RGS7: variants seen among roughly 807,000 people sequenced by gnomAD.
RGS7 encodes the protein regulator of G protein signaling 7.
A neutral mutation model predicts 81.1 loss-of-function variants in RGS7; 27 were observed. That is an observed-to-expected ratio of 0.33 (90% CI 0.25 to 0.46). RGS7 has a LOEUF of 0.46. Among genes scored for constraint, RGS7 ranks in the 20% least tolerant of loss-of-function variants. The pLI is 1.00. For missense variants in RGS7, 396 were observed against 607.4 expected (o/e 0.65, Z 3.66); for synonymous variants, 208 against 207.7 (o/e 1.00, Z -0.01).
At chr1:240,780,645 G>A (rs577849044) in intron 18 of RGS7, among the ~76,000 whole-genome samples, 1 of 152,100 alleles carries the variant, frequency 6.6e-6, no homozygotes, top group South Asian at 2.1e-4. Flanking sequence ...GCCGGGCGCG[G>A]TGGCTGACGC....
chr1:240,998,408 TA>T, intron 3 of RGS7: 1 of 598,600 alleles, frequency 1.7e-6, no homozygotes, highest in Non-Finnish European at 2.9e-6. Flanking sequence ...TTTTTTTTTT[TA>T]AGTTCAGCTT....
At chr1:241,251,121 T>C (rs2076807574) in intron 2 of RGS7, among the ~76,000 whole-genome samples, 1 of 152,240 alleles carries the variant, frequency 6.6e-6, no homozygotes, top group South Asian at 2.1e-4. Flanking sequence ...CTACACACTT[T>C]TAAAATATTT....
At chr1:241,201,214 T>C (rs1005627788) in intron 2 of RGS7, among the ~76,000 whole-genome samples, 3 of 152,196 alleles carry the variant, frequency 2.0e-5, no homozygotes, top group Admixed American at 2.0e-4. Flanking sequence ...TCAGTTCATC[T>C]GCCTGAGGGA....
At chr1:241,180,873 T>C (rs2071558432) in intron 2 of RGS7, among the ~76,000 whole-genome samples, 1 of 152,234 alleles carries the variant, frequency 6.6e-6, no homozygotes, top group Admixed American at 6.5e-5. Context: ...TTTCTCAGAC[T>C]TTATTTCATC....
intron 9 of RGS7, among the ~76,000 whole-genome samples, chr1:240,833,509 GTTTATTAGAGTATTAAATGCA>G (rs1694190279): frequency 1.3e-5 from 2 of 152,156 alleles, no homozygotes; most frequent in South Asian, 4.1e-4. Context: ...CTTACTGTGA[GTTTATTAGAGTATTAAATGCA>G]TTTTTGACTT....
intron 2 of RGS7, among the ~76,000 whole-genome samples, chr1:241,158,115 G>A (rs1241131185): frequency 6.6e-6 from 1 of 151,982 alleles, no homozygotes; most frequent in Non-Finnish European, 1.5e-5. Context: ...CACCACGCCT[G>A]TCCCCATAAA....
At chr1:240,833,566 T>A (rs755965466) in intron 9 of RGS7, among the ~76,000 whole-genome samples, 1 of 152,172 alleles carries the variant, frequency 6.6e-6, no homozygotes, top group African/African-American at 2.4e-5. Flanking sequence ...TACAGTGGCT[T>A]TATTGGGACA....
chr1:240,920,411 T>C, intron 6 of RGS7: 2 of 1,374,220 alleles, frequency 1.5e-6, no homozygotes, highest in East Asian at 2.3e-5. Context: ...CCAGCAATTT[T>C]GGAGGTGGTG....
chr1:241,180,210 C>A (rs147128513), intron 2 of RGS7, among the ~76,000 whole-genome samples: 1 of 152,004 alleles, frequency 6.6e-6, no homozygotes, highest in Non-Finnish European at 1.5e-5. Flanking sequence ...TCTCTCTCTA[C>A]TAAAAATACA....
At chr1:241,159,860 A>C (rs1001143081) in intron 2 of RGS7, among the ~76,000 whole-genome samples, 1 of 151,764 alleles carries the variant, frequency 6.6e-6, no homozygotes, top group Non-Finnish European at 1.5e-5. Context: ...ACCACTAGGA[A>C]AGTTAAATCA....
chr1:241,092,416 A>C (rs2063946343), intron 3 of RGS7, among the ~76,000 whole-genome samples: 1 of 152,214 alleles, frequency 6.6e-6, no homozygotes. Flanking sequence ...TTGCTTTACC[A>C]AAGATTTTCA....
intron 2 of RGS7, among the ~76,000 whole-genome samples, chr1:241,347,573 T>G (rs553608869): frequency 1.3e-5 from 2 of 152,330 alleles, no homozygotes; most frequent in East Asian, 3.9e-4. Context: ...TCAGTCTTGT[T>G]AGGAATTGGA....
intron 6 of RGS7, among the ~76,000 whole-genome samples, chr1:240,929,502 G>A (rs979434767): frequency 1.3e-5 from 2 of 151,924 alleles, no homozygotes; most frequent in African/African-American, 4.8e-5. Context: ...AGTTATGTTA[G>A]TTTCGACTCT....
chr1:240,944,260 A>ATGTGTGTGTGTG (rs35591630), intron 4 of RGS7, among the ~76,000 whole-genome samples: 1 of 51,798 alleles, frequency 1.9e-5, no homozygotes, highest in African/African-American at 7.5e-5. Context: ...GTTATATTAT[A>ATGTGTGTGTGTG]TGTGTGTGTG....
chr1:241,071,390 A>C (rs934868727), intron 3 of RGS7, among the ~76,000 whole-genome samples: 4 of 152,188 alleles, frequency 2.6e-5, no homozygotes, highest in African/African-American at 9.7e-5. Flanking sequence ...AAAATGTAGA[A>C]TCTGGTTTAC....
At chr1:240,793,028 G>T (rs1686282278) in intron 18 of RGS7, among the ~76,000 whole-genome samples, 1 of 152,112 alleles carries the variant, frequency 6.6e-6, no homozygotes, top group Non-Finnish European at 1.5e-5. Flanking sequence ...ATAAACCCAA[G>T]ACTTCATATT....
At chr1:241,273,180 C>CCG (rs1553305843) in intron 2 of RGS7, among the ~76,000 whole-genome samples, 2 of 115,960 alleles carry the variant, frequency 1.7e-5, no homozygotes, top group Non-Finnish European at 4.0e-5. Context: ...AATGAACCCC[C>CCG]CCCCCCAAAG....
At chr1:241,167,728 C>T (rs1323351679) in intron 2 of RGS7, among the ~76,000 whole-genome samples, 1 of 151,954 alleles carries the variant, frequency 6.6e-6, no homozygotes, top group Non-Finnish European at 1.5e-5. Flanking sequence ...TCATGTTGGC[C>T]AGGCTTGTCT....
intron 2 of RGS7, among the ~76,000 whole-genome samples, chr1:241,285,225 G>T (rs190522132): frequency 3.3e-4 from 50 of 152,220 alleles, no homozygotes; most frequent in African/African-American, 1.2e-3. Flanking sequence ...GAGAGACCAG[G>T]CTTTTGTTGG....
Sources: allele counts gnomAD v4.1 joint callset (sites outside exome capture counted in the v4.1 genomes callset), GRCh38; gene constraint gnomAD v4.1.1; transcripts MANE v1.5; gene names NCBI Gene and HGNC (gene_info 2026-07-23, HGNC 2026-07-21).